Variants in TNRC6B observed in about 807,000 individuals in gnomAD.
TNRC6B encodes the protein trinucleotide repeat-containing gene 6B protein.
Under a neutral mutation model 203.6 loss-of-function variants are expected in TNRC6B, and 52 were observed. That is an observed-to-expected ratio of 0.26 (90% CI 0.20 to 0.32). The LOEUF (loss-of-function observed/expected upper bound fraction) is 0.32, where lower values mean the gene tolerates loss of function less well. Ranked by LOEUF, TNRC6B falls within the 10% of genes least tolerant of loss-of-function variation. The pLI is 1.00. For synonymous variants in TNRC6B, 838 were observed against 845.7 expected (o/e 0.99, Z 0.16); for missense variants, 1,923 against 2,286.2 (o/e 0.84, Z 3.24).
chr22:40,060,144 C>CTT (rs1175503527), intron 1 of TNRC6B, among the ~76,000 whole-genome samples: 5,008 of 125,222 alleles, frequency 0.04, 276 homozygotes, highest in African/African-American at 0.13. Context: ...TTTTTTTTTT[C>CTT]TTTTTTTTTT....
chr22:40,197,646 A>G (rs2069359008), intron 1 of TNRC6B, among the ~76,000 whole-genome samples: 1 of 143,450 alleles, frequency 7.0e-6, no homozygotes, highest in Non-Finnish European at 1.5e-5. Context: ...TCTGTTGCCC[A>G]GGTTGGAGTG....
At chr22:40,140,283 T>C (rs1411978194) in intron 3 of TNRC6B, among the ~76,000 whole-genome samples, 1 of 152,166 alleles carries the variant, frequency 6.6e-6, no homozygotes, top group Non-Finnish European at 1.5e-5. Context: ...ACTGATAACA[T>C]ATTTTAATAT....
intron 1 of TNRC6B, among the ~76,000 whole-genome samples, chr22:40,201,909 C>G (rs2069417354): frequency 6.6e-6 from 1 of 152,126 alleles, no homozygotes; most frequent in South Asian, 2.1e-4. Flanking sequence ...GCAACTATTT[C>G]AGAATCCGAA....
In TNRC6B at chr22:40,075,157, T is replaced by TATATA. The variant is rs1491547107; in HGVS notation, c.-121+30159_-121+30160insATATA. On this transcript the variant is annotated intron_variant, in intron 1 of 23. Transcript: ENST00000301923. ...CTGTTCATATATATATATATATATA[T>TATATA]TTTTTTTTTTTTTTTTTTTTTTCTT... Among the ~76,000 whole-genome samples the TATATA allele has an allele frequency of 9.8e-3, 337 of 34,334 alleles. 1 individual carries two copies. The highest frequency in any genetic ancestry group is 0.029 in the African/African-American group (205 of 7,132). The allele number at this position is 34,334 out of a possible 152,430, so 22.5% of individuals were successfully genotyped here. A position where few individuals can be genotyped will look rare whatever the true frequency, so the allele number is the denominator to read the frequency against.
chr22:40,045,044 C>T (rs2067673639), intron 1 of TNRC6B: 1 of 146,992 alleles, frequency 6.8e-6, no homozygotes, highest in Non-Finnish European at 1.5e-5. Flanking sequence ...TCCCCCGCGC[C>T]CCGCCGGGAC....
At chr22:40,068,323 T>C (rs2067914745) in intron 1 of TNRC6B, among the ~76,000 whole-genome samples, 1 of 152,138 alleles carries the variant, frequency 6.6e-6, no homozygotes, top group Admixed American at 6.5e-5. Context: ...TCTTTTGTTT[T>C]GTTTTGTTTT....
At chr22:40,098,257 G>A (rs1478506630) in intron 1 of TNRC6B, among the ~76,000 whole-genome samples, 1 of 151,412 alleles carries the variant, frequency 6.6e-6, no homozygotes, top group Non-Finnish European at 1.5e-5. Context: ...GCGGTGGCGG[G>A]TGCCTGTAAT....
chr22:40,304,085 G>A (rs1322483681), intron 15 of TNRC6B, among the ~76,000 whole-genome samples: 1 of 152,172 alleles, frequency 6.6e-6, no homozygotes, highest in Non-Finnish European at 1.5e-5. Context: ...TGCCGAAGAT[G>A]TAATGAAATG....
chr22:40,320,449 C>T (rs182885371), intron 21 of TNRC6B, among the ~76,000 whole-genome samples: 2 of 152,276 alleles, frequency 1.3e-5, no homozygotes, highest in Non-Finnish European at 2.9e-5. Flanking sequence ...CACTGCACTC[C>T]AGCCTGGGCA....
chr22:40,098,087 C>T (rs2068199593), intron 1 of TNRC6B, among the ~76,000 whole-genome samples: 1 of 151,712 alleles, frequency 6.6e-6, no homozygotes, highest in Non-Finnish European at 1.5e-5. Context: ...AAAATCCACC[C>T]TTAGAGGGGG....
intron 9 of TNRC6B, among the ~76,000 whole-genome samples, chr22:40,278,547 A>G (rs1453845207): frequency 6.8e-6 from 1 of 146,152 alleles, no homozygotes; most frequent in African/African-American, 2.6e-5. Flanking sequence ...ACATAGCGAG[A>G]CTCAGTCTCA....
chr22:40,052,839 GTT>G (rs1340891549), intron 1 of TNRC6B, among the ~76,000 whole-genome samples: 7 of 152,280 alleles, frequency 4.6e-5, no homozygotes, highest in African/African-American at 1.7e-4. Flanking sequence ...TTTCTGACCA[GTT>G]GTGTAGTAGT....
chr22:40,131,165 C>G (rs1568992239), intron 3 of TNRC6B, among the ~76,000 whole-genome samples: 1 of 152,096 alleles, frequency 6.6e-6, no homozygotes, highest in Non-Finnish European at 1.5e-5. Context: ...CGTGATCCGC[C>G]CGCCTCAGCC....
At chr22:40,149,390 T>C (rs1403491894) in intron 3 of TNRC6B, among the ~76,000 whole-genome samples, 2 of 151,932 alleles carry the variant, frequency 1.3e-5, no homozygotes, top group Admixed American at 1.3e-4. Flanking sequence ...GAGGGATGAC[T>C]GGGTGCGGTG....
At chr22:40,170,405 A>G (rs1213935627) in intron 4 of TNRC6B, among the ~76,000 whole-genome samples, 29 of 43,156 alleles carry the variant, frequency 6.7e-4, no homozygotes, top group Non-Finnish European at 8.8e-4. Flanking sequence ...TATATATTAT[A>G]TATATAGTTT....
At chr22:40,303,337 A>T (rs561738677) in intron 15 of TNRC6B, among the ~76,000 whole-genome samples, 30 of 151,948 alleles carry the variant, frequency 2.0e-4, no homozygotes, top group African/African-American at 4.6e-4. Flanking sequence ...ATTCTTTCTT[A>T]CTTCTAATGG....
At chr22:40,270,308 G>T in intron 6 of TNRC6B, 28 bp downstream of exon 6, 1 of 1,347,194 alleles carries the variant, frequency 7.4e-7, no homozygotes, top group Admixed American at 3.7e-5. Context: ...CATTTTTGAG[G>T]GATCCTTTTT....
intron 1 of TNRC6B, among the ~76,000 whole-genome samples, chr22:40,090,497 G>A (rs2068141659): frequency 6.6e-6 from 1 of 151,690 alleles, no homozygotes; most frequent in Non-Finnish European, 1.5e-5. Context: ...TCTTCAGTGA[G>A]GTGTCTGCTC....
intron 4 of TNRC6B, among the ~76,000 whole-genome samples, chr22:40,170,730 G>T (rs570995454): frequency 9.1e-5 from 12 of 131,940 alleles, no homozygotes; most frequent in South Asian, 7.0e-4. Flanking sequence ...TACATATATA[G>T]GTGTATATAT....
Sources: gnomAD v4.1 joint callset for allele counts (sites outside exome capture counted in the v4.1 genomes callset) on GRCh38, gnomAD v4.1.1 for gene constraint, MANE v1.5 for transcripts, NCBI Gene and HGNC (gene_info 2026-07-23, HGNC 2026-07-21) for gene names.